The following CYP4X1 variants were observed in gnomAD, a reference collection of about 807,000 sequenced individuals.
The protein encoded by CYP4X1 is cytochrome P450 family 4 subfamily X member 1.
In CYP4X1, 44 loss-of-function variants were observed where a neutral mutation model predicts 57.9. That is an observed-to-expected ratio of 0.76 (90% CI 0.60 to 0.98). The LOEUF is 0.98. Ranked by LOEUF, CYP4X1 falls within the 50% of genes least tolerant of loss-of-function variation. CYP4X1 has a pLI of 0.00. For missense variants in CYP4X1, 532 were observed against 623.9 expected, an observed-to-expected ratio of 0.85 and a Z score of 1.57; for synonymous variants, 227 against 228.6, an observed-to-expected ratio of 0.99 and a Z score of 0.06.
chr1:47,017,646 C>T, the CYP4X1 span, among the ~76,000 whole-genome samples: 3 of 152,144 alleles, frequency 2.0e-5, no homozygotes, highest in East Asian at 3.9e-4. Flanking sequence ...TATTCAATGT[C>T]GTCCCTCTGC....
chr1:47,031,430 C>G lies in CYP4X1; in HGVS notation c.320-6C>G. The G allele has an allele frequency of 6.2e-7, 1 of 1,614,026 alleles. No individual in the cohort carries two copies. The highest frequency in any genetic ancestry group is 8.5e-7 in the Non-Finnish European group (1 of 1,179,974). On this transcript the variant is annotated splice_polypyrimidine_tract_variant and splice_region_variant and intron_variant, in intron 2 of 11. Coordinates refer to ENST00000371901, the MANE Select transcript of CYP4X1 (RefSeq NM_178033.2). The stretch of plus-strand genomic sequence containing the variant: ...TGTCTTTTGTTTCCTCTGCTTGACT[C>G]TGCAGATCCCAAGTCCCAGTACCTG...
At chr1:47,019,544 T>A (rs61271023), upstream of CYP4X1, among the ~76,000 whole-genome samples, 2,060 of 152,324 alleles carry the variant, frequency 0.014, 47 homozygotes, top group African/African-American at 0.048. Flanking sequence ...CTGAAACAGT[T>A]GTTATGGAGG....
At chr1:46,968,729 G>A in the CYP4X1 span, among the ~76,000 whole-genome samples, 130 of 148,944 alleles carry the variant, frequency 8.7e-4, 1 homozygote, top group Non-Finnish European at 1.5e-3. Flanking sequence ...GGATGAGGGA[G>A]CAATGTTTGT....
At chr1:47,053,876 C>A (rs1175233519), downstream of CYP4X1, among the ~76,000 whole-genome samples, 2 of 152,186 alleles carry the variant, frequency 1.3e-5, no homozygotes, top group African/African-American at 4.8e-5. Context: ...GTTGCCCATT[C>A]AGTGTGATGG....
the CYP4X1 span, among the ~76,000 whole-genome samples, chr1:47,007,465 CAA>C: frequency 1.6e-3 from 241 of 152,248 alleles, 1 homozygote; most frequent in African/African-American, 5.4e-3. Flanking sequence ...GATAAAACCA[CAA>C]AGATGGGGAA....
intron 1 of CYP4X1, among the ~76,000 whole-genome samples, chr1:47,026,684 TC>T (rs1644069199): frequency 6.6e-6 from 1 of 152,146 alleles, no homozygotes; most frequent in African/African-American, 2.4e-5. Flanking sequence ...AGAAAGCCTT[TC>T]CGTTTAGTTA....
At chr1:47,011,293 A>T in the CYP4X1 span, among the ~76,000 whole-genome samples, 1 of 152,236 alleles carries the variant, frequency 6.6e-6, no homozygotes, top group Non-Finnish European at 1.5e-5. Flanking sequence ...ACCTGACAAA[A>T]ACAAGAAATG....
the CYP4X1 span, among the ~76,000 whole-genome samples, chr1:46,975,467 T>C: frequency 1.3e-5 from 2 of 151,626 alleles, no homozygotes; most frequent in Non-Finnish European, 2.9e-5. Context: ...GGATTTCTTT[T>C]CTTTAAGGGT....
intron 1 of CYP4X1, among the ~76,000 whole-genome samples, chr1:47,028,019 C>A (rs1644088860): frequency 6.6e-6 from 1 of 152,146 alleles, no homozygotes; most frequent in Non-Finnish European, 1.5e-5. Context: ...AATAGGTGCT[C>A]AATAAATCCT....
rs139540457 is a variant in CYP4X1 at position 47,050,141 on chromosome 1, G to A, written c.1497G>A (p.Met499Ile). The change falls in exon 12 of 12, where the codon ATG (methionine) becomes ATA (isoleucine). Residue 499 changes from methionine to isoleucine, a missense_variant. By Grantham distance (10) the Met-to-Ile change is conservative. Transcript: ENST00000371901. ...TTATCCTCAAGCCCAAGAATGGGATGTATTTGCACCTGAAGAAACTCTCTG... is the reference window on the plus strand; with the variant it reads ...TTATCCTCAAGCCCAAGAATGGGATATATTTGCACCTGAAGAAACTCTCTG... ...NHFILKPKNG[M>I]YLHLKKLSEC 20 of 1,613,832 alleles carry A rather than the reference G, an allele frequency of 1.2e-5. No homozygotes were observed. The highest frequency in any genetic ancestry group is 1.4e-5 in the Non-Finnish European group (17 of 1,179,968).
chr1:47,001,216 C>G, the CYP4X1 span: 6 of 156,514 alleles, frequency 3.8e-5, no homozygotes, highest in African/African-American at 1.4e-4. Flanking sequence ...TTGGTTCACA[C>G]TTTCCCCTGA....
At chr1:46,972,096 C>T in the CYP4X1 span, among the ~76,000 whole-genome samples, 1 of 152,024 alleles carries the variant, frequency 6.6e-6, no homozygotes, top group Admixed American at 6.6e-5. Flanking sequence ...ATTTAATCCA[C>T]CTTGAGTTGA....
At chr1:47,054,805 T>G (rs1644383182), downstream of CYP4X1, among the ~76,000 whole-genome samples, 2 of 152,208 alleles carry the variant, frequency 1.3e-5, no homozygotes, top group Admixed American at 1.3e-4. Context: ...TTTATCAGCT[T>G]AAGGAGATTT....
At chr1:47,020,099 CCTT>C (rs1384795462), upstream of CYP4X1, among the ~76,000 whole-genome samples, 1 of 152,198 alleles carries the variant, frequency 6.6e-6, no homozygotes, top group Non-Finnish European at 1.5e-5. Flanking sequence ...TAGCACCCAT[CCTT>C]CTCTCTGAGA....
chr1:47,005,157 C>A, the CYP4X1 span, among the ~76,000 whole-genome samples: 1 of 152,302 alleles, frequency 6.6e-6, no homozygotes, highest in Non-Finnish European at 1.5e-5. Context: ...GGGATGCACT[C>A]AGAAGAGGTT....
chr1:46,975,164 C>T, the CYP4X1 span, among the ~76,000 whole-genome samples: 1 of 152,090 alleles, frequency 6.6e-6, no homozygotes, highest in Non-Finnish European at 1.5e-5. Context: ...GGTATTTAGC[C>T]TGTTTACGTT....
chr1:46,963,259 G>A, the CYP4X1 span, among the ~76,000 whole-genome samples: 1 of 152,080 alleles, frequency 6.6e-6, no homozygotes, highest in African/African-American at 2.4e-5. Flanking sequence ...TTACATTTAA[G>A]GTTAATATTG....
chr1:46,996,983 G>A, the CYP4X1 span, among the ~76,000 whole-genome samples: 1 of 152,218 alleles, frequency 6.6e-6, no homozygotes. Flanking sequence ...GGCTGAGGGA[G>A]GCAGTTGATC....
intron 1 of CYP4X1, among the ~76,000 whole-genome samples, chr1:47,028,513 A>G (rs1644093662): frequency 6.6e-6 from 1 of 152,214 alleles, no homozygotes; most frequent in Admixed American, 6.5e-5. Flanking sequence ...TTTTCTGAAC[A>G]TTTCTGAACA....
Sources: gnomAD v4.1 joint callset for allele counts (sites outside exome capture counted in the v4.1 genomes callset) on GRCh38, gnomAD v4.1.1 for gene constraint, MANE v1.5 for transcripts, NCBI Gene and HGNC (gene_info 2026-07-23, HGNC 2026-07-21) for gene names.